EXOC5: variants seen among roughly 807,000 people sequenced by gnomAD.
The protein encoded by EXOC5 is SEC10-like 1.
EXOC5 carries 17 observed loss-of-function variants against 90.8 expected under a neutral mutation model. That is an observed-to-expected ratio of 0.19 (90% CI 0.13 to 0.28). EXOC5 has a LOEUF of 0.28. Among genes scored for constraint, EXOC5 ranks in the 10% least tolerant of loss-of-function variants. The probability of loss-of-function intolerance (pLI) is 1.00; values close to 1 mark genes in which losing one functional copy is unlikely to be tolerated. For synonymous variants in EXOC5, 260 were observed against 270.0 expected, an observed-to-expected ratio of 0.96 and a Z score of 0.36; for missense variants, 569 against 830.6, an observed-to-expected ratio of 0.69 and a Z score of 3.87.
At chr14:57,253,786 C>A (rs1305560528) in intron 1 of EXOC5, among the ~76,000 whole-genome samples, 3 of 152,134 alleles carry the variant, frequency 2.0e-5, no homozygotes, top group Non-Finnish European at 2.9e-5. Flanking sequence ...GCAAATAATG[C>A]TGGGAAAACT....
At chr14:57,217,948 T>TA in intron 15 of EXOC5, 34 bp downstream of exon 15, 2 of 1,083,902 alleles carry the variant, frequency 1.8e-6, no homozygotes, top group Non-Finnish European at 2.8e-6. Flanking sequence ...TTTTATAATT[T>TA]AAAAAAATGC....
At chr14:57,222,495 T>C (rs1883175237) in intron 12 of EXOC5, 79 bp from the exon 13 acceptor site, 1 of 708,534 alleles carries the variant, frequency 1.4e-6, no homozygotes, top group Non-Finnish European at 2.4e-6. Flanking sequence ...CAATCAATTT[T>C]TTATAGGATG....
chr14:57,203,968 C>T lies in EXOC5; in HGVS notation c.*4641G>A, dbSNP rs1178760227. The T allele has an allele frequency of 6.6e-6, 1 of 152,492 alleles. No homozygotes were observed. Among genetic ancestry groups the T allele is most frequent in the African/African-American group, 2.4e-5 (1 of 41,416 alleles). 9.4% of individuals were successfully genotyped at this position (152,492 alleles called of 1,614,324 possible). A position where few individuals can be genotyped will look rare whatever the true frequency, so the allele number is the denominator to read the frequency against. ...CACTGCTGTCTAGCAAAATCTATGC[C>T]TTCTGAATAAATGACTTTCCTCTGA... On this transcript the variant is annotated 3_prime_UTR_variant, in exon 18 of 18. Transcript: ENST00000621441.
Position 57,268,833 on chromosome 14 carries a change from C to A in EXOC5, c.-185G>T. 7.4e-7 allele frequency: 1 copy of A among 1,353,268 alleles called. No homozygotes were observed. The highest frequency in any genetic ancestry group is 9.5e-7 in the Non-Finnish European group (1 of 1,047,814). The allele number at this position is 1,353,268 out of a possible 1,614,324, so 83.8% of individuals were successfully genotyped here. A position where few individuals can be genotyped will look rare whatever the true frequency, so the allele number is the denominator to read the frequency against. ...AGCGGCCATGAAGCGAAGCCGCAAACGCTTGTCAGCTGCCTCCCGGCGCCG... is the reference window on the plus strand; with the variant it reads ...AGCGGCCATGAAGCGAAGCCGCAAAAGCTTGTCAGCTGCCTCCCGGCGCCG... On this transcript the variant is annotated 5_prime_UTR_variant, in exon 1 of 18. Coordinates refer to ENST00000621441, the MANE Select transcript of EXOC5 (RefSeq NM_006544.4).
intron 5 of EXOC5, among the ~76,000 whole-genome samples, chr14:57,237,865 G>A (rs934876386): frequency 6.6e-6 from 1 of 151,944 alleles, no homozygotes; most frequent in Non-Finnish European, 1.5e-5. Flanking sequence ...ATTATATGAT[G>A]ATATATTAAT....
intron 3 of EXOC5, among the ~76,000 whole-genome samples, chr14:57,245,461 G>A (rs1356022885): frequency 1.3e-5 from 2 of 152,072 alleles, no homozygotes; most frequent in Non-Finnish European, 2.9e-5. Context: ...CAGTTCATAA[G>A]CGGCAGAGCT....
intron 1 of EXOC5, among the ~76,000 whole-genome samples, chr14:57,250,807 G>T (rs1884167347): frequency 2.0e-5 from 3 of 152,166 alleles, no homozygotes; most frequent in Non-Finnish European, 4.4e-5. Flanking sequence ...AGCTAATCAT[G>T]CAGGATGGCA....
rs183129334 is a variant in EXOC5 at position 57,263,496 on chromosome 14, G to A, written c.27+5126C>T. On this transcript the variant is annotated intron_variant, in intron 1 of 17. Coordinates refer to ENST00000621441, the MANE Select transcript of EXOC5 (RefSeq NM_006544.4). ...AAAAACAAAAAAACTGGCCAGGCAC[G>A]GTGGCTCACGCTTGTAATCCCAGCA... 9.7e-4 allele frequency among the ~76,000 whole-genome samples: 146 copies of A among 151,278 alleles called. 1 individual carries two copies. The highest frequency in any genetic ancestry group is 3.3e-3 in the African/African-American group (138 of 41,226).
chr14:57,208,902 G>C (rs912626085), intron 17 of EXOC5, 105 bp from the exon 18 acceptor site: 1 of 660,090 alleles, frequency 1.5e-6, no homozygotes, highest in Admixed American at 2.8e-5. Flanking sequence ...TACTAGTGTG[G>C]GTGAAGTTCA....
intron 5 of EXOC5, 168 bp downstream of exon 5, chr14:57,239,427 T>G (rs1232412020): frequency 2.8e-5 from 14 of 502,044 alleles, no homozygotes; most frequent in Non-Finnish European, 4.6e-5. Flanking sequence ...TAAACTATTT[T>G]ACACTGCATC....
rs1180906702 is a variant in EXOC5, at chr14:57,230,442, CACAA to C, written c.1149-565_1149-562del. ...TACCGTAAACACACACACACACACACACAAACACACACACAAATTCCTATTATTC... is the reference window on the plus strand; with the variant it reads ...TACCGTAAACACACACACACACACACACACACACACAAATTCCTATTATTC... On this transcript the variant is annotated intron_variant, in intron 11 of 17. Coordinates refer to ENST00000621441, the MANE Select transcript of EXOC5 (RefSeq NM_006544.4). 9.7e-3 allele frequency among the ~76,000 whole-genome samples: 1,454 copies of C among 149,798 alleles called. 25 individuals carry two copies. Among genetic ancestry groups the C allele is most frequent in the African/African-American group, 0.036 (1,400 of 39,324 alleles).
rs1489560523 is a variant in EXOC5 at position 57,202,930 on chromosome 14, T to TA, written c.*5678dup. 6.6e-6 allele frequency: 1 copy of TA among 152,168 alleles called. No homozygotes were observed. Among genetic ancestry groups the TA allele is most frequent in the Admixed American group, 6.5e-5 (1 of 15,268 alleles). The allele number at this position is 152,168 out of a possible 1,614,324, so 9.4% of individuals were successfully genotyped here. ...TGAAAATACATTCTACTGGAGAACTTAAGAGAGGCACTTAGGTATTATTCC... is the reference window on the plus strand; with the variant it reads ...TGAAAATACATTCTACTGGAGAACTTAAAGAGAGGCACTTAGGTATTATTCC... On this transcript the variant is annotated 3_prime_UTR_variant, in exon 18 of 18. Coordinates refer to ENST00000621441, the MANE Select transcript of EXOC5 (RefSeq NM_006544.4).
intron 9 of EXOC5, 177 bp from the exon 10 acceptor site, chr14:57,232,926 A>G (rs1883529086): frequency 2.1e-6 from 1 of 485,374 alleles, no homozygotes; most frequent in Non-Finnish European, 3.6e-6. Flanking sequence ...ACAGGTTTTT[A>G]CATTTTACCA....
intron 2 of EXOC5, 60 bp from the exon 3 acceptor site, chr14:57,246,918 C>A: frequency 4.1e-6 from 4 of 967,418 alleles, no homozygotes; most frequent in Non-Finnish European, 6.1e-6. Context: ...TAGGAACTGA[C>A]CAGTTAACTT....
chr14:57,222,213 C>G (rs1307990225), intron 13 of EXOC5, 95 bp downstream of exon 13: 1 of 593,842 alleles, frequency 1.7e-6, no homozygotes, highest in East Asian at 2.9e-5. Context: ...GAATTTGAGA[C>G]ACAGAGATGA....
chr14:57,224,432 A>G (rs997559030), intron 12 of EXOC5, among the ~76,000 whole-genome samples: 3 of 152,236 alleles, frequency 2.0e-5, no homozygotes, highest in African/African-American at 7.2e-5. Flanking sequence ...GGATAAGAAA[A>G]TATCATGAAT....
intron 13 of EXOC5, among the ~76,000 whole-genome samples, chr14:57,221,899 G>A (rs956071419): frequency 1.3e-5 from 2 of 152,042 alleles, no homozygotes; most frequent in African/African-American, 4.8e-5. Flanking sequence ...AAGACCAAAA[G>A]ACCAAAAGCA....
At position 57,239,621 on chromosome 14, in the gene EXOC5, T is replaced by C. The variant is rs1883793596; in HGVS notation, c.504A>G (p.Leu168=). The C allele has an allele frequency of 6.5e-7, 1 of 1,544,186 alleles. No homozygotes were observed. The highest frequency in any genetic ancestry group is 1.2e-5 in the South Asian group (1 of 81,266). ...EAADIIQKLH[L]IAQELPFDRF... ...TATCAAAAGGTAACTCTTGGGCAAT[T>C]AGGTGCAACTTCTGAATGATGTCTG... is the stretch of plus-strand genomic sequence containing the variant. The change falls in exon 5 of 18, where the codon CTA becomes CTG. Residue 168 remains leucine, a synonymous_variant. Transcript: ENST00000621441.
Position 57,208,525 on chromosome 14 carries a change from T to TGTGTG in EXOC5, c.*83_*84insCACAC. The TGTGTG allele has an allele frequency of 4.2e-6, 4 of 949,812 alleles. No homozygotes were observed. The South Asian group carries it at 7.2e-5, about 17-fold the overall frequency. 58.8% of individuals were successfully genotyped at this position (949,812 alleles called of 1,614,324 possible). A position where few individuals can be genotyped will look rare whatever the true frequency, so the allele number is the denominator to read the frequency against. On this transcript the variant is annotated 3_prime_UTR_variant, in exon 18 of 18. Transcript: ENST00000621441. ...TGGCTGTGTCATAAGGTATCTCCTG[T>TGTGTG]GCTTTCTATCAACCGAGGGCTGCTG...
Sources: gnomAD v4.1 joint callset for allele counts (sites outside exome capture counted in the v4.1 genomes callset) on GRCh38, gnomAD v4.1.1 for gene constraint, MANE v1.5 for transcripts, NCBI Gene and HGNC (gene_info 2026-07-23, HGNC 2026-07-21) for gene names.